The following RANBP17 variants were observed in gnomAD, a reference collection of about 807,000 sequenced individuals.
RANBP17 encodes ran-binding protein 17.
Under a neutral mutation model 141.2 loss-of-function variants are expected in RANBP17, and 158 were observed. The observed-to-expected ratio is 1.12, with a 90% CI of 0.98 to 1.28. RANBP17 has a LOEUF of 1.28. RANBP17 is among the 50% of genes most tolerant of loss of function. The pLI is 0.00. For synonymous variants in RANBP17, 430 were observed against 450.0 expected, an observed-to-expected ratio of 0.96 and a Z score of 0.56; for missense variants, 1,438 against 1,290.7, an observed-to-expected ratio of 1.11 and a Z score of -1.75.
At chr5:171,073,509 G>A (rs557554402) in intron 14 of RANBP17, among the ~76,000 whole-genome samples, 5 of 152,234 alleles carry the variant, frequency 3.3e-5, no homozygotes, top group African/African-American at 1.2e-4. Context: ...GTAAACAACA[G>A]GGAAACTAGA....
intron 14 of RANBP17, among the ~76,000 whole-genome samples, chr5:171,144,325 C>T (rs548182491): frequency 2.8e-4 from 42 of 151,728 alleles, no homozygotes; most frequent in Admixed American, 5.3e-4. Context: ...AAAATCATGC[C>T]GCTGCCCTTA....
intron 22 of RANBP17, among the ~76,000 whole-genome samples, chr5:171,231,246 G>A (rs574400338): frequency 6.6e-6 from 1 of 151,898 alleles, no homozygotes; most frequent in South Asian, 2.1e-4. Context: ...ACCACGCCTG[G>A]CCAGAATTGT....
chr5:171,171,142 TCTC>T (rs1760071919), intron 15 of RANBP17, 61 bp from the exon 16 acceptor site: 1 of 849,922 alleles, frequency 1.2e-6, no homozygotes, highest in South Asian at 1.7e-5. Context: ...TTATGTGTAT[TCTC>T]TGGTTCTCCT....
At chr5:171,172,901 T>C (rs1760199731) in intron 16 of RANBP17, among the ~76,000 whole-genome samples, 1 of 151,948 alleles carries the variant, frequency 6.6e-6, no homozygotes, top group South Asian at 2.1e-4. Flanking sequence ...TGTTTATTGC[T>C]TTTGAGTACT....
At chr5:170,885,315 A>G (rs1769051072) in intron 3 of RANBP17, among the ~76,000 whole-genome samples, 1 of 152,216 alleles carries the variant, frequency 6.6e-6, no homozygotes, top group Non-Finnish European at 1.5e-5. Context: ...GCCTTTAAAG[A>G]TAAACCTCAG....
intron 14 of RANBP17, among the ~76,000 whole-genome samples, chr5:170,979,124 C>G (rs1581298204): frequency 1.3e-5 from 2 of 152,096 alleles, no homozygotes; most frequent in Middle Eastern, 3.4e-3. Context: ...TGAATTCTAC[C>G]TATGGTAAAA....
At chr5:170,895,019 T>C (rs1769991601) in intron 4 of RANBP17, among the ~76,000 whole-genome samples, 1 of 152,170 alleles carries the variant, frequency 6.6e-6, no homozygotes, top group African/African-American at 2.4e-5. Flanking sequence ...GTTCTAGCAA[T>C]TGGTCAGGGT....
chr5:170,915,897 G>A (rs1361073535), intron 8 of RANBP17, among the ~76,000 whole-genome samples: 2 of 152,090 alleles, frequency 1.3e-5, no homozygotes, highest in Non-Finnish European at 2.9e-5. Flanking sequence ...CCTATTAAAT[G>A]TATAGCATGT....
chr5:171,058,282 G>A (rs1783547576), intron 14 of RANBP17, among the ~76,000 whole-genome samples: 1 of 149,322 alleles, frequency 6.7e-6, no homozygotes, highest in Admixed American at 6.7e-5. Flanking sequence ...TTTAGCATTA[G>A]GTATATCTCC....
chr5:170,919,340 TA>T, intron 10 of RANBP17, 100 bp from the exon 11 acceptor site: 1 of 866,470 alleles, frequency 1.2e-6, no homozygotes, highest in Non-Finnish European at 1.7e-6. Flanking sequence ...ATAGTAAGAA[TA>T]AAAGTTAATT....
chr5:170,909,812 T>C (rs1424038130), intron 6 of RANBP17, 47 bp downstream of exon 6: 1 of 1,008,998 alleles, frequency 9.9e-7, no homozygotes, highest in East Asian at 2.4e-5. Flanking sequence ...ATTTGGGAAA[T>C]TTTAAGAGTT....
chr5:171,200,437 A>G (rs953636444), intron 19 of RANBP17, among the ~76,000 whole-genome samples: 2 of 152,218 alleles, frequency 1.3e-5, no homozygotes, highest in African/African-American at 4.8e-5. Flanking sequence ...GTCTGTGACA[A>G]AACAGCCCCG....
chr5:170,932,809 G>A (rs1276424184), intron 12 of RANBP17, among the ~76,000 whole-genome samples: 2 of 152,146 alleles, frequency 1.3e-5, no homozygotes, highest in African/African-American at 4.8e-5. Context: ...GATTTGGTTT[G>A]CCAGTATTTT....
intron 5 of RANBP17, among the ~76,000 whole-genome samples, chr5:170,902,383 G>A (rs1770716194): frequency 6.6e-6 from 1 of 152,152 alleles, no homozygotes; most frequent in South Asian, 2.1e-4. Flanking sequence ...GGTCATTTAT[G>A]TTCTTCTCTA....
chr5:170,954,540 A>ACACG (rs1775453237), intron 13 of RANBP17, among the ~76,000 whole-genome samples: 2 of 149,872 alleles, frequency 1.3e-5, no homozygotes. Context: ...ACACACACAC[A>ACACG]CACACCCCAA....
chr5:171,037,829 G>T (rs950483948), intron 14 of RANBP17, among the ~76,000 whole-genome samples: 1 of 152,118 alleles, frequency 6.6e-6, no homozygotes, highest in Non-Finnish European at 1.5e-5. Flanking sequence ...TAGCCTTATA[G>T]TGTAGTTTGA....
intron 11 of RANBP17, 73 bp downstream of exon 11, chr5:170,919,686 T>C: frequency 8.2e-7 from 1 of 1,220,032 alleles, no homozygotes; most frequent in Non-Finnish European, 1.1e-6. Context: ...AGTTATAAAT[T>C]TAAAATTCAC....
chr5:171,148,259 C>G (rs1233072466), intron 14 of RANBP17, among the ~76,000 whole-genome samples: 1 of 152,108 alleles, frequency 6.6e-6, no homozygotes, highest in Non-Finnish European at 1.5e-5. Flanking sequence ...TGCGGAAGGC[C>G]GCAGGTTCCT....
rs184000962 is a variant in RANBP17 at position 171,065,151 on chromosome 5, A to G, written c.1710+96774A>G. 5.2e-3 allele frequency among the ~76,000 whole-genome samples: 787 copies of G among 152,214 alleles called. 3 individuals carry two copies. Among genetic ancestry groups the G allele is most frequent in the South Asian group, 8.9e-3 (43 of 4,828 alleles). ...CTTTTTATATTTATATCTCTGATCCATTTGGAGTTTATTCTTGGGTGTAGT... is the reference window on the plus strand; with the variant it reads ...CTTTTTATATTTATATCTCTGATCCGTTTGGAGTTTATTCTTGGGTGTAGT... On this transcript the variant is annotated intron_variant, in intron 14 of 27. Coordinates refer to ENST00000523189, the MANE Select transcript of RANBP17 (RefSeq NM_022897.5).
Sources: gnomAD v4.1 joint callset for allele counts (sites outside exome capture counted in the v4.1 genomes callset) on GRCh38, gnomAD v4.1.1 for gene constraint, MANE v1.5 for transcripts, NCBI Gene and HGNC (gene_info 2026-07-23, HGNC 2026-07-21) for gene names.